The following ZDHHC16 variants were observed in gnomAD, a reference collection of about 807,000 sequenced individuals.
The protein encoded by ZDHHC16 is zDHHC palmitoyltransferase 16, also known as palmitoyltransferase ZDHHC16.
A neutral mutation model predicts 54.4 loss-of-function variants in ZDHHC16; 33 were observed. The observed-to-expected ratio is 0.61, with a 90% CI of 0.46 to 0.81. The LOEUF (loss-of-function observed/expected upper bound fraction) is 0.81. ZDHHC16 is among the 30% of genes least tolerant of loss of function. The probability of loss-of-function intolerance (pLI) is 0.00; values close to 1 mark genes in which losing one functional copy is unlikely to be tolerated. For missense variants in ZDHHC16, 420 were observed against 485.9 expected (o/e 0.86, Z 1.28); for synonymous variants, 185 against 182.1 (o/e 1.02, Z -0.13).
intron 1 of ZDHHC16, among the ~76,000 whole-genome samples, chr10:97,447,894 G>T (rs1846243910): frequency 6.6e-6 from 1 of 151,160 alleles, no homozygotes; most frequent in Non-Finnish European, 1.5e-5. Flanking sequence ...TTGCACTCCA[G>T]CCTGGGCAAC....
chr10:97,456,036 T>C lies in ZDHHC16; in HGVS notation c.1011T>C (p.Asp337=), dbSNP rs748439896. ...LDNWKVFLGV[D]TGRHWLTRVL... Reference sequence around the variant, plus strand: ...ACTGGAAGGTATTCCTGGGTGTGGATACAGGAAGGTAATGTAAGACACACA... The same window carrying C: ...ACTGGAAGGTATTCCTGGGTGTGGACACAGGAAGGTAATGTAAGACACACA... Residue 337 remains aspartate (D), a synonymous_variant, in exon 11 of 12, where the codon GAT becomes GAC. Coordinates refer to ENST00000393760, the MANE Select transcript of ZDHHC16 (RefSeq NM_198046.3). 1.2e-6 allele frequency: 2 copies of C among 1,613,954 alleles called. No homozygotes were observed. The highest frequency in any genetic ancestry group is 1.7e-5 in the Admixed American group (1 of 60,000).
At chr10:97,447,335 C>T (rs960146949) in intron 1 of ZDHHC16, among the ~76,000 whole-genome samples, 3 of 152,216 alleles carry the variant, frequency 2.0e-5, no homozygotes, top group African/African-American at 7.2e-5. Context: ...CACCTGACTT[C>T]TGATGGCTTT....
At position 97,451,749 on chromosome 10, in the gene ZDHHC16, G is replaced by GGC; in HGVS notation, c.77_78dup (p.Arg27AlafsTer10). The GGC allele has an allele frequency of 6.2e-7, 1 of 1,613,900 alleles. No individual in the cohort carries two copies. The highest frequency in any genetic ancestry group is 8.5e-7 in the Non-Finnish European group (1 of 1,180,026). On this transcript the variant is annotated frameshift_variant, in exon 3 of 12. Transcript: ENST00000393760. LOFTEE classifies it high-confidence loss of function. ...CGCCTCCTTCTGCTGCTGGGTTACA[G>GGC]GCGCCGCTGTCCACCTCTACTCCGG...
chr10:97,456,578 C>T (rs543827864), intron 11 of ZDHHC16, 199 bp from the exon 12 acceptor site: 11 of 470,588 alleles, frequency 2.3e-5, no homozygotes, highest in African/African-American at 1.2e-4. Context: ...AAGTTTAGCT[C>T]GAAACCTTAA....
At chr10:97,446,636 C>T (rs1008243861) in intron 1 of ZDHHC16, among the ~76,000 whole-genome samples, 1 of 152,240 alleles carries the variant, frequency 6.6e-6, no homozygotes, top group Admixed American at 6.5e-5. Flanking sequence ...TAAGATAGAG[C>T]CCAAACTGGA....
rs746595451 is a variant in ZDHHC16, at chr10:97,454,827, G to C, written c.824+28G>C. On this transcript the variant is annotated intron_variant, in intron 9 of 11. Transcript: ENST00000393760. ...ATTTGTTTTTGATAGTTTTAAGGGA[G>C]GGGAAGCTTCAGAAAAAAAGTTTTT... is the stretch of plus-strand genomic sequence containing the variant. 3.1e-6 allele frequency: 5 copies of C among 1,608,476 alleles called. No homozygotes were observed. The Admixed American group carries it at 6.8e-5, about 22-fold the overall frequency.
rs1215153966 is a variant in ZDHHC16 at position 97,455,793 on chromosome 10, G to A, written c.948+10G>A. The A allele has an allele frequency of 6.2e-7, 1 of 1,612,012 alleles. No individual in the cohort carries two copies. Among genetic ancestry groups the A allele is most frequent in the African/African-American group, 1.3e-5 (1 of 74,916 alleles). On this transcript the variant is annotated intron_variant, in intron 10 of 11. Coordinates refer to ENST00000393760, the MANE Select transcript of ZDHHC16 (RefSeq NM_198046.3). ...ACAGGCCAAGGGCAGAGTGAGTAGG[G>A]TTGAAGGCTCGGGGTGGGTAGGTGG...
At position 97,450,419 on chromosome 10, in the gene ZDHHC16, C is replaced by T. The variant is rs1041246849; in HGVS notation, c.-123C>T. ...CAATACTCCAGTTACCGAATTGAAA[C>T]CATCCCTGCAGTGGAGCAGCCTCCT... On this transcript the variant is annotated 5_prime_UTR_variant, in exon 2 of 12. Coordinates refer to ENST00000393760, the MANE Select transcript of ZDHHC16 (RefSeq NM_198046.3). The T allele has an allele frequency of 1.2e-4, 19 of 152,250 alleles. No homozygotes were observed. The highest frequency in any genetic ancestry group is 9.8e-4 in the Admixed American group (15 of 15,284). The allele number at this position is 152,250 out of a possible 1,614,324, so 9.4% of individuals were successfully genotyped here.
chr10:97,456,955 C>CA lies in ZDHHC16; in HGVS notation c.*66dup, dbSNP rs1028630613. The CA allele has an allele frequency of 7.6e-7, 1 of 1,314,770 alleles. No homozygotes were observed. Among genetic ancestry groups the CA allele is most frequent in the Admixed American group, 2.3e-5 (1 of 43,698 alleles). 81.4% of individuals were successfully genotyped at this position (1,314,770 alleles called of 1,614,324 possible). A position where few individuals can be genotyped will look rare whatever the true frequency, so the allele number is the denominator to read the frequency against. ...CTCCCTATGTTATTTCAAGGGCCTCCAAGGGCAGCTTTTCTCAGAATCCTT... is the reference window on the plus strand; with the variant it reads ...CTCCCTATGTTATTTCAAGGGCCTCCAAAGGGCAGCTTTTCTCAGAATCCTT... On this transcript the variant is annotated 3_prime_UTR_variant, in exon 12 of 12. Coordinates refer to ENST00000393760, the MANE Select transcript of ZDHHC16 (RefSeq NM_198046.3).
rs748566486 is a variant in ZDHHC16 at position 97,452,416 on chromosome 10, G to A, written c.440G>A (p.Gly147Asp). The change falls in exon 5 of 12, where the codon GGC becomes GAC. Residue 147 changes from glycine (G) to aspartate (D), a missense_variant and splice_region_variant. Physicochemically the swap from Gly to Asp is moderately conservative, Grantham distance 94. Transcript: ENST00000393760. ...ITTPPGYPPQGRNDIATVSIC... is the reference protein window; with the variant it reads ...ITTPPGYPPQDRNDIATVSIC... The stretch of plus-strand genomic sequence containing the variant: ...ACGTTATGCTCTCCCTTCACACAGG[G>A]CAGGAATGATATCGCCACCGTCTCC... 1.2e-6 allele frequency: 2 copies of A among 1,614,142 alleles called. No individual in the cohort carries two copies. Among genetic ancestry groups the A allele is most frequent in the East Asian group, 4.5e-5 (2 of 44,876 alleles).
rs764540117 is a variant in ZDHHC16, at chr10:97,456,911, G to A, written c.*20G>A. On this transcript the variant is annotated 3_prime_UTR_variant, in exon 12 of 12. Coordinates refer to ENST00000393760, the MANE Select transcript of ZDHHC16 (RefSeq NM_198046.3). ...GTGTGAGCTGGACTGTGTCAGCCAC[G>A]ACTCGAGCACTCATTCTGCTCCCTA... 33 of 1,573,390 alleles carry A rather than the reference G, an allele frequency of 2.1e-5. No homozygotes were observed. Among genetic ancestry groups the A allele is most frequent in the African/African-American group, 9.5e-5 (7 of 74,048 alleles).
intron 11 of ZDHHC16, chr10:97,456,256 C>T (rs959177993): frequency 5.7e-6 from 3 of 530,544 alleles, no homozygotes; most frequent in East Asian, 3.0e-5. Context: ...AACGTGACTA[C>T]AGTGGAATCC....
intron 1 of ZDHHC16, among the ~76,000 whole-genome samples, chr10:97,449,272 C>T (rs183957053): frequency 1.3e-5 from 2 of 148,918 alleles, no homozygotes; most frequent in East Asian, 2.0e-4. Context: ...GTATATAATT[C>T]GAGTTTATTA....
rs1287312798 is a variant in ZDHHC16 at position 97,457,002 on chromosome 10, CT to C, written c.*112del. ...CCTTGATCAAAAAGAGCCAGTGGGC[CT>C]GCCTTAGGGTACCATGCAGGACAAT... is the stretch of plus-strand genomic sequence containing the variant. On this transcript the variant is annotated 3_prime_UTR_variant, in exon 12 of 12. Transcript: ENST00000393760. 3 of 803,644 alleles carry C rather than the reference CT, an allele frequency of 3.7e-6. No homozygotes were observed. In the African/African-American group the frequency reaches 5.2e-5, roughly 14 times the overall value. The allele number at this position is 803,644 out of a possible 1,614,324, so 49.8% of individuals were successfully genotyped here.
At chr10:97,448,061 T>C (rs1200363158) in intron 1 of ZDHHC16, 2 of 152,378 alleles carry the variant, frequency 1.3e-5, no homozygotes, top group Admixed American at 1.3e-4. Flanking sequence ...AATCTGTATC[T>C]GTGCGTCTAG....
chr10:97,455,743 TCAA>T lies in ZDHHC16; in HGVS notation c.912_914del (p.Asn304del). On this transcript the variant is annotated inframe_deletion, in exon 10 of 12. Coordinates refer to ENST00000393760, the MANE Select transcript of ZDHHC16 (RefSeq NM_198046.3). ...GGTGAGACTAGCATCGAAAGGCACA[TCAA>T]CAAGAAGGAGAGACGTCGGCTACAG... 3 of 1,614,118 alleles carry T rather than the reference TCAA, an allele frequency of 1.9e-6. No homozygotes were observed. The highest frequency in any genetic ancestry group is 2.5e-6 in the Non-Finnish European group (3 of 1,180,022).
chr10:97,451,234 C>T (rs574653061), intron 2 of ZDHHC16: 2 of 168,406 alleles, frequency 1.2e-5, no homozygotes, highest in South Asian at 3.4e-4. Context: ...CCCTGGCAAT[C>T]TCTGCTACAG....
At chr10:97,447,592 A>C (rs1846203716) in intron 1 of ZDHHC16, among the ~76,000 whole-genome samples, 1 of 152,118 alleles carries the variant, frequency 6.6e-6, no homozygotes, top group Non-Finnish European at 1.5e-5. Flanking sequence ...CCCTACACAC[A>C]TCTTTTTGAA....
At chr10:97,452,608 G>C in intron 5 of ZDHHC16, 105 bp downstream of exon 5, 1 of 1,222,910 alleles carries the variant, frequency 8.2e-7, no homozygotes, top group South Asian at 1.4e-5. Flanking sequence ...ATCACCCATC[G>C]TGTCCCAGGT....
Sources: gnomAD v4.1 joint callset for allele counts (sites outside exome capture counted in the v4.1 genomes callset) on GRCh38, gnomAD v4.1.1 for gene constraint, MANE v1.5 for transcripts, NCBI Gene and HGNC (gene_info 2026-07-23, HGNC 2026-07-21) for gene names.